DACH2: variants seen among roughly 807,000 people sequenced by gnomAD.
DACH2 encodes dachshund homolog 2.
Under a neutral mutation model 35.8 loss-of-function variants are expected in DACH2, and 17 were observed. The observed-to-expected ratio is 0.48, with a 90% CI of 0.33 to 0.71. The LOEUF (loss-of-function observed/expected upper bound fraction) is 0.71. DACH2 is among the 30% of genes least tolerant of loss of function. The probability of loss-of-function intolerance (pLI) is 0.02; values close to 1 mark genes in which losing one functional copy is unlikely to be tolerated. For synonymous variants in DACH2, 195 were observed against 177.3 expected (o/e 1.10, Z -0.79); for missense variants, 469 against 472.7 (o/e 0.99, Z 0.07).
chrX:86,282,170 C>CAA (rs59586096), intron 1 of DACH2, among the ~76,000 whole-genome samples: 1 of 109,236 alleles, frequency 9.2e-6, no homozygotes, highest in South Asian at 3.9e-4. Flanking sequence ...CGTATGGAAC[C>CAA]AAAAAAAAGA....
intron 3 of DACH2, among the ~76,000 whole-genome samples, chrX:86,644,000 T>C (rs2040382250): frequency 9.0e-6 from 1 of 111,241 alleles, no homozygotes; most frequent in South Asian, 3.8e-4. Context: ...AAACCCACAG[T>C]AAACATTATA....
intron 3 of DACH2, among the ~76,000 whole-genome samples, chrX:86,638,036 A>G (rs2040298222): frequency 1.0e-5 from 1 of 97,152 alleles, no homozygotes; most frequent in Non-Finnish European, 2.2e-5. Flanking sequence ...ACTAACGAAA[A>G]CAATAAGAAA....
At chrX:86,293,491 G>C (rs987668151) in intron 1 of DACH2, among the ~76,000 whole-genome samples, 2 of 107,920 alleles carry the variant, frequency 1.9e-5, no homozygotes, top group Admixed American at 1.0e-4. Flanking sequence ...TATTTTGCTT[G>C]TTAGTTGATG....
chrX:86,537,997 T>A (rs749939233), intron 3 of DACH2, among the ~76,000 whole-genome samples: 218 of 110,694 alleles, frequency 2.0e-3, no homozygotes, highest in Non-Finnish European at 3.7e-3. Context: ...AATTTTCCAC[T>A]ACCTACCCAA....
At chrX:86,246,552 A>G (rs1044273677) in intron 1 of DACH2, among the ~76,000 whole-genome samples, 2 of 112,126 alleles carry the variant, frequency 1.8e-5, no homozygotes, top group African/African-American at 3.2e-5. Context: ...CAAGAATTTC[A>G]TATCTGGCCA....
intron 1 of DACH2, among the ~76,000 whole-genome samples, chrX:86,171,854 T>C (rs1340876942): frequency 2.7e-5 from 3 of 112,039 alleles, no homozygotes; most frequent in Non-Finnish European, 5.6e-5. Flanking sequence ...AGGTTTTTTT[T>C]CTGTGTAGAT....
At chrX:86,223,847 G>A (rs2032765857) in intron 1 of DACH2, among the ~76,000 whole-genome samples, 1 of 112,409 alleles carries the variant, frequency 8.9e-6, no homozygotes. Context: ...GTTATCTTCT[G>A]TTGTGTATAC....
At chrX:86,604,342 T>A (rs1439373255) in intron 3 of DACH2, among the ~76,000 whole-genome samples, 1 of 111,329 alleles carries the variant, frequency 9.0e-6, no homozygotes, top group Non-Finnish European at 1.9e-5. Context: ...ACTTTTATGC[T>A]GTCTATTGTT....
chrX:86,525,987 C>T (rs984227643), intron 3 of DACH2, among the ~76,000 whole-genome samples: 7 of 111,654 alleles, frequency 6.3e-5, no homozygotes, highest in East Asian at 5.6e-4. Context: ...TTTATTCTGG[C>T]GAGCTTTTGT....
chrX:86,746,603 ATTAT>A (rs1461896004), intron 7 of DACH2, among the ~76,000 whole-genome samples: 1 of 111,398 alleles, frequency 9.0e-6, no homozygotes, highest in Admixed American at 9.6e-5. Flanking sequence ...AGGCATTTTA[ATTAT>A]TTATTTTATT....
chrX:86,409,907 A>G (rs906618270), intron 2 of DACH2, among the ~76,000 whole-genome samples: 3 of 112,168 alleles, frequency 2.7e-5, no homozygotes, highest in Non-Finnish European at 5.6e-5. Context: ...TCTGAAGTAA[A>G]CAGGTGAATA....
At chrX:86,712,491 T>A (rs1452689068) in intron 5 of DACH2, among the ~76,000 whole-genome samples, 1 of 110,199 alleles carries the variant, frequency 9.1e-6, no homozygotes, top group African/African-American at 3.3e-5. Flanking sequence ...TAATTAGCTT[T>A]ATTTAATTAT....
intron 2 of DACH2, among the ~76,000 whole-genome samples, chrX:86,431,038 A>G (rs2036977361): frequency 9.0e-6 from 1 of 111,694 alleles, no homozygotes; most frequent in Non-Finnish European, 1.9e-5. Flanking sequence ...GAAGTTTTGT[A>G]TTTTATTTAT....
intron 3 of DACH2, among the ~76,000 whole-genome samples, chrX:86,633,336 G>A (rs1483127339): frequency 9.1e-6 from 1 of 110,065 alleles, no homozygotes; most frequent in Non-Finnish European, 1.9e-5. Context: ...TAATACACTC[G>A]CAAATTAAAA....
chrX:86,470,239 T>G (rs1418845085), intron 2 of DACH2, among the ~76,000 whole-genome samples: 1 of 111,997 alleles, frequency 8.9e-6, no homozygotes, highest in Non-Finnish European at 1.9e-5. Context: ...CTTTTAGCAC[T>G]GTATGGATTA....
chrX:86,313,458 A>T (rs754781810), intron 1 of DACH2, among the ~76,000 whole-genome samples: 39 of 111,753 alleles, frequency 3.5e-4, no homozygotes, highest in Admixed American at 6.7e-4. Flanking sequence ...TCATTTCTCA[A>T]TTTAAAACAA....
intron 3 of DACH2, among the ~76,000 whole-genome samples, chrX:86,582,276 C>A: frequency 9.0e-6 from 1 of 110,749 alleles, no homozygotes; most frequent in Non-Finnish European, 1.9e-5. Flanking sequence ...AAGTTAACAA[C>A]CTAACATCAC....
intron 1 of DACH2, among the ~76,000 whole-genome samples, chrX:86,283,225 A>G (rs1569328553): frequency 2.7e-5 from 3 of 111,655 alleles, no homozygotes; most frequent in Non-Finnish European, 5.6e-5. Flanking sequence ...AAAGTTCAGG[A>G]AACTACTGAT....
intron 1 of DACH2, among the ~76,000 whole-genome samples, chrX:86,375,939 G>C (rs1439290195): frequency 2.7e-5 from 3 of 110,502 alleles, no homozygotes; most frequent in South Asian, 7.6e-4. Context: ...AGGGTTAAAA[G>C]AACCACATTA....
Sources: gnomAD v4.1 joint callset for allele counts (sites outside exome capture counted in the v4.1 genomes callset) on GRCh38, gnomAD v4.1.1 for gene constraint, MANE v1.5 for transcripts, NCBI Gene and HGNC (gene_info 2026-07-23, HGNC 2026-07-21) for gene names.